The following TRA2B variants were observed in gnomAD, a reference collection of about 807,000 sequenced individuals.
TRA2B encodes the protein transformer 2 beta homolog.
A neutral mutation model predicts 41.7 loss-of-function variants in TRA2B; 14 were observed. That is an observed-to-expected ratio of 0.34 (90% CI 0.22 to 0.53). TRA2B has a LOEUF of 0.53. Among genes scored for constraint, TRA2B ranks in the 20% least tolerant of loss-of-function variants. TRA2B has a pLI of 0.95. For missense variants in TRA2B, 167 were observed against 396.8 expected (o/e 0.42, Z 4.92); for synonymous variants, 130 against 128.8 (o/e 1.01, Z -0.06).
At chr3:185,924,838 A>AC (rs1491318386) in intron 3 of TRA2B, 1 of 152,216 alleles carries the variant, frequency 6.6e-6, no homozygotes, top group African/African-American at 2.4e-5. Context: ...AGGAAAGAAT[A>AC]AAGAGTGAGC....
intron 1 of TRA2B, chr3:185,931,884 T>C (rs1398609307): frequency 2.2e-6 from 3 of 1,361,106 alleles, no homozygotes; most frequent in Non-Finnish European, 2.8e-6. Context: ...TGAAGAATAT[T>C]TTAAAACTCC....
chr3:185,918,342 A>T (rs770452393), intron 8 of TRA2B, 23 bp downstream of exon 8: 1 of 1,559,314 alleles, frequency 6.4e-7, no homozygotes, highest in Non-Finnish European at 8.8e-7. Context: ...AATATAAACA[A>T]TCATATTAAG....
In TRA2B at chr3:185,915,969, A is replaced by C. The variant is rs1018154266; in HGVS notation, c.*1746T>G. On this transcript the variant is annotated 3_prime_UTR_variant, in exon 9 of 9. Transcript: ENST00000453386. Reference sequence around the variant, plus strand: ...AACCCCCTCTGGGACCACACCCTAAAACTCAACTTTATATATAAATACTAC... The same window carrying C: ...AACCCCCTCTGGGACCACACCCTAACACTCAACTTTATATATAAATACTAC... 1.3e-5 allele frequency: 2 copies of C among 152,308 alleles called. No homozygotes were observed. Among genetic ancestry groups the C allele is most frequent in the Non-Finnish European group, 2.9e-5 (2 of 68,016 alleles). The allele number at this position is 152,308 out of a possible 1,614,324, so 9.4% of individuals were successfully genotyped here. A position where few individuals can be genotyped will look rare whatever the true frequency, so the allele number is the denominator to read the frequency against.
intron 1 of TRA2B, chr3:185,931,905 C>G: frequency 8.0e-7 from 1 of 1,255,512 alleles, no homozygotes; most frequent in Non-Finnish European, 1.0e-6. Context: ...AGGATAAAAT[C>G]CAGTGCCAAA....
In TRA2B at chr3:185,916,768, T is replaced by G. The variant is rs973653866; in HGVS notation, c.*947A>C. On this transcript the variant is annotated 3_prime_UTR_variant, in exon 9 of 9. Transcript: ENST00000453386. ...ATTTTTCTTTTCATTTGCGTTTATT[T>G]AAACACAGTTCTCAAAACATTTGAG... is the stretch of plus-strand genomic sequence containing the variant. 5.9e-5 allele frequency: 9 copies of G among 152,666 alleles called. No homozygotes were observed. The highest frequency in any genetic ancestry group is 2.2e-4 in the African/African-American group (9 of 41,466). 9.5% of individuals were successfully genotyped at this position (152,666 alleles called of 1,614,324 possible).
At position 185,916,684 on chromosome 3, in the gene TRA2B, A is replaced by G. The variant is rs1032828894; in HGVS notation, c.*1031T>C. ...AACACACTGCCCTAACGATTAAACT[A>G]CAGAAGAACTCTAATTATAATAGAA... is the stretch of plus-strand genomic sequence containing the variant. On this transcript the variant is annotated 3_prime_UTR_variant, in exon 9 of 9. Transcript: ENST00000453386. The G allele has an allele frequency of 2.6e-5, 4 of 152,598 alleles. No individual in the cohort carries two copies. The highest frequency in any genetic ancestry group is 2.0e-4 in the Admixed American group (3 of 15,270). 9.5% of individuals were successfully genotyped at this position (152,598 alleles called of 1,614,324 possible).
chr3:185,935,906 A>C (rs184202182), intron 1 of TRA2B: 817 of 985,384 alleles, frequency 8.3e-4, no homozygotes, highest in African/African-American at 5.4e-3. Context: ...AAGAAAAAAA[A>C]CTCAATTTTT....
At position 185,925,525 on chromosome 3, in the gene TRA2B, C is replaced by T. The variant is rs368136358; in HGVS notation, c.272G>A (p.Arg91His). The change falls in exon 3 of 9, where the codon CGT becomes CAT. Residue 91 changes from arginine to histidine, a missense_variant. Transcript: ENST00000453386. ...SRSRSYSRDYRRRHSHSHSPM... is the reference protein window; with the variant it reads ...SRSRSYSRDYHRRHSHSHSPM... Reference sequence around the variant, plus strand: ...AGAATGGCTGTGGCTGTGCCGTCTACGATAATCTCGACTGTAAGACCTGCT... The same window carrying T: ...AGAATGGCTGTGGCTGTGCCGTCTATGATAATCTCGACTGTAAGACCTGCT... 8 of 1,614,054 alleles carry T rather than the reference C, an allele frequency of 5.0e-6. No homozygotes were observed. The highest frequency in any genetic ancestry group is 1.7e-5 in the Admixed American group (1 of 60,008).
chr3:185,932,227 CA>C (rs919785601), intron 1 of TRA2B, among the ~76,000 whole-genome samples: 4 of 152,090 alleles, frequency 2.6e-5, no homozygotes, highest in Admixed American at 2.6e-4. Flanking sequence ...CACATTAATA[CA>C]TAAGTGCATG....
rs576662005 is a variant in TRA2B, at chr3:185,921,061, T to C, written c.722+43A>G. On this transcript the variant is annotated intron_variant, in intron 6 of 8. Coordinates refer to ENST00000453386, the MANE Select transcript of TRA2B (RefSeq NM_004593.3). ...TTAAGCATAGTGCTGCTCTGTACAC[T>C]GTACTGAGATTCAGACGTTGACCTT... 1.5e-4 allele frequency: 231 copies of C among 1,554,204 alleles called. 7 individuals are homozygous for C. In the South Asian group the frequency reaches 2.3e-3, roughly 16 times the overall value.
intron 1 of TRA2B, chr3:185,931,855 TAATAGA>T (rs1420309230): frequency 6.8e-7 from 1 of 1,471,460 alleles, no homozygotes; most frequent in Non-Finnish European, 8.9e-7. Context: ...ACATTAACCT[TAATAGA>T]AAAAGAACAG....
In TRA2B at chr3:185,921,085, T is replaced by C. The variant is rs1326826565; in HGVS notation, c.722+19A>G. 6.2e-7 allele frequency: 1 copy of C among 1,609,816 alleles called. No individual in the cohort carries two copies. Among genetic ancestry groups the C allele is most frequent in the Admixed American group, 1.7e-5 (1 of 60,028 alleles). On this transcript the variant is annotated intron_variant, in intron 6 of 8. Transcript: ENST00000453386. The stretch of plus-strand genomic sequence containing the variant: ...CTGTACTGAGATTCAGACGTTGACC[T>C]TTCTACCTCATAACTTACCTGTATG...
At chr3:185,924,340 G>GA (rs1183295380) in intron 3 of TRA2B, 1 of 175,456 alleles carries the variant, frequency 5.7e-6, no homozygotes, top group Non-Finnish European at 1.2e-5. Flanking sequence ...CTATCAGCTA[G>GA]AAAAAATTGT....
At chr3:185,921,035 C>T in intron 6 of TRA2B, 69 bp downstream of exon 6, 1 of 1,371,054 alleles carries the variant, frequency 7.3e-7, no homozygotes, top group Non-Finnish European at 1.0e-6. Flanking sequence ...AAGGCTAAAA[C>T]TTAAGCATAG....
chr3:185,934,415 C>T (rs1744269057), intron 1 of TRA2B: 1 of 985,392 alleles, frequency 1.0e-6, no homozygotes, highest in South Asian at 4.7e-5. Flanking sequence ...TTTGGCAAAA[C>T]CAGTAGTACT....
chr3:185,932,433 C>T (rs925285144), intron 1 of TRA2B, among the ~76,000 whole-genome samples: 1 of 152,134 alleles, frequency 6.6e-6, no homozygotes, highest in African/African-American at 2.4e-5. Context: ...AACCCACCCC[C>T]TGGAAAAGCT....
At chr3:185,921,873 G>A (rs1430652342) in intron 5 of TRA2B, 138 bp downstream of exon 5, 1 of 544,852 alleles carries the variant, frequency 1.8e-6, no homozygotes, top group Non-Finnish European at 3.3e-6. Context: ...TGAGAAAAAT[G>A]CCCTAATGAG....
rs1743539344 is a variant in TRA2B at position 185,917,398 on chromosome 3, T to C, written c.*317A>G. On this transcript the variant is annotated 3_prime_UTR_variant, in exon 9 of 9. Transcript: ENST00000453386. ...TTTACACAGGCTTCGATCTTCAGAA[T>C]ACCCTGGATTCAGTAGAAAAACCTT... The C allele has an allele frequency of 3.0e-6, 1 of 328,868 alleles. No homozygotes were observed. Among genetic ancestry groups the C allele is most frequent in the Admixed American group, 4.9e-5 (1 of 20,570 alleles). 20.4% of individuals were successfully genotyped at this position (328,868 alleles called of 1,614,324 possible).
rs1371463284 is a variant in TRA2B, at chr3:185,918,869, G to GGT, written c.783-433_783-432dup. 3.4e-4 allele frequency among the ~76,000 whole-genome samples: 52 copies of GGT among 152,054 alleles called. 1 individual carries two copies. Among genetic ancestry groups the GGT allele is most frequent in the Non-Finnish European group, 5.0e-4 (34 of 68,004 alleles). On this transcript the variant is annotated intron_variant, in intron 7 of 8. Transcript: ENST00000453386. Reference sequence around the variant, plus strand: ...TAAAAAAAAAAAATTAGCTCTGTGCGGTGGTGCATGCTTGTAATCCCAGCT... The same window carrying GGT: ...TAAAAAAAAAAAATTAGCTCTGTGCGGTGTGGTGCATGCTTGTAATCCCAGCT...
Sources: gnomAD v4.1 joint callset for allele counts (sites outside exome capture counted in the v4.1 genomes callset) on GRCh38, gnomAD v4.1.1 for gene constraint, MANE v1.5 for transcripts, NCBI Gene and HGNC (gene_info 2026-07-23, HGNC 2026-07-21) for gene names.